Variants in NTF3 observed in about 807,000 individuals in gnomAD.
NTF3 encodes the protein neurotrophin 3.
Under a neutral mutation model 26.3 loss-of-function variants are expected in NTF3, and 8 were observed. The observed-to-expected ratio is 0.30, with a 90% CI of 0.18 to 0.55. NTF3 has a LOEUF of 0.55. NTF3 is among the 20% of genes least tolerant of loss of function. The pLI, the probability that NTF3 is intolerant of heterozygous loss-of-function variation, is 0.93. For missense variants in NTF3, 276 were observed against 352.9 expected (o/e 0.78, Z 1.75); for synonymous variants, 154 against 145.5 (o/e 1.06, Z -0.42).
In NTF3 at chr12:5,491,975, A is replaced by G. The variant is rs535059764; in HGVS notation, c.19-2219A>G. 3.7e-3 allele frequency among the ~76,000 whole-genome samples: 562 copies of G among 151,812 alleles called. 1 individual carries two copies. Among genetic ancestry groups the G allele is most frequent in the African/African-American group, 0.013 (533 of 41,396 alleles). ...GTGATCCACCCACCTCGGCCTCCCA[A>G]AGTGCTGGGATTACAGGCATAAGCC... On this transcript the variant is annotated intron_variant, in intron 1 of 1. Coordinates refer to ENST00000423158, the MANE Select transcript of NTF3 (RefSeq NM_001102654.2).
rs886180853 is a variant in NTF3 at position 5,433,236 on chromosome 12, C to G, written c.18+894C>G. The G allele has an allele frequency of 2.0e-5, 3 of 152,238 alleles. No individual in the cohort carries two copies. Among genetic ancestry groups the G allele is most frequent in the Non-Finnish European group, 4.4e-5 (3 of 68,090 alleles). The allele number at this position is 152,238 out of a possible 1,614,324, so 9.4% of individuals were successfully genotyped here. Reference sequence around the variant, plus strand: ...GCGGCGGGCACCCGGGCCCGGCCATCCCAGGGGATCTCCTTGCGGTATCGT... The same window carrying G: ...GCGGCGGGCACCCGGGCCCGGCCATGCCAGGGGATCTCCTTGCGGTATCGT... On this transcript the variant is annotated intron_variant, in intron 1 of 1. Coordinates refer to ENST00000423158, the MANE Select transcript of NTF3 (RefSeq NM_001102654.2). This position sits in a 1 kb window ranked among gnomAD's most constrained non-coding sequence, Gnocchi z 4.6.
chr12:5,477,911 A>G (rs1940743689), intron 1 of NTF3, among the ~76,000 whole-genome samples: 1 of 152,214 alleles, frequency 6.6e-6, no homozygotes, highest in Admixed American at 6.5e-5. Flanking sequence ...GCTGTAGGAT[A>G]TAATGCACAT....
chr12:5,486,335 G>T (rs1940865674), intron 1 of NTF3, among the ~76,000 whole-genome samples: 1 of 152,208 alleles, frequency 6.6e-6, no homozygotes. Context: ...AGTAAGAATT[G>T]AAGGGAAGGC....
intron 1 of NTF3, among the ~76,000 whole-genome samples, chr12:5,481,103 C>G (rs569680398): frequency 2.0e-5 from 3 of 152,008 alleles, no homozygotes; most frequent in Non-Finnish European, 4.4e-5. Flanking sequence ...ACCCAGAGAG[C>G]GAGAGCCCTG....
At chr12:5,481,344 C>T (rs930375230) in intron 1 of NTF3, among the ~76,000 whole-genome samples, 2 of 151,770 alleles carry the variant, frequency 1.3e-5, no homozygotes, top group South Asian at 2.1e-4. Context: ...TTGCCCAGCA[C>T]ACCACGCACA....
intron 1 of NTF3, among the ~76,000 whole-genome samples, chr12:5,473,504 T>G (rs1289963463): frequency 6.6e-6 from 1 of 152,246 alleles, no homozygotes; most frequent in Non-Finnish European, 1.5e-5. Flanking sequence ...TTGCTTTTAT[T>G]TGCAGGTTCT....
intron 1 of NTF3, among the ~76,000 whole-genome samples, chr12:5,455,842 G>C (rs1212849499): frequency 6.6e-6 from 1 of 152,200 alleles, no homozygotes; most frequent in Non-Finnish European, 1.5e-5. Flanking sequence ...GCCTTTCATG[G>C]ATGGTGAGGG....
intron 1 of NTF3, among the ~76,000 whole-genome samples, chr12:5,470,572 T>G (rs985768901): frequency 6.6e-6 from 1 of 152,196 alleles, no homozygotes; most frequent in Admixed American, 6.5e-5. Flanking sequence ...AAGTCTCCCC[T>G]GCCACCTCTT....
intron 1 of NTF3, among the ~76,000 whole-genome samples, chr12:5,441,625 T>C (rs1174906868): frequency 6.6e-6 from 1 of 152,218 alleles, no homozygotes; most frequent in Non-Finnish European, 1.5e-5. Flanking sequence ...TCTGTTGTTT[T>C]CATTTTTGTG....
intron 1 of NTF3, among the ~76,000 whole-genome samples, chr12:5,449,061 G>A (rs541307728): frequency 2.0e-5 from 3 of 152,208 alleles, no homozygotes; most frequent in Non-Finnish European, 4.4e-5. Context: ...CACTCAAGAT[G>A]GAAATGACTA....
intron 1 of NTF3, among the ~76,000 whole-genome samples, chr12:5,458,214 C>T (rs1012138407): frequency 2.0e-5 from 3 of 152,128 alleles, no homozygotes; most frequent in Non-Finnish European, 4.4e-5. Flanking sequence ...GGTATTTGCT[C>T]ACACTACTGC....
chr12:5,464,350 G>A lies in NTF3; in HGVS notation c.19-29844G>A, dbSNP rs540867414. Among the ~76,000 whole-genome samples, 3 of 152,162 alleles carry A rather than the reference G, an allele frequency of 2.0e-5. No individual in the cohort carries two copies. The South Asian group carries it at 6.2e-4, about 32-fold the overall frequency. On this transcript the variant is annotated intron_variant, in intron 1 of 1. Transcript: ENST00000423158. Reference sequence around the variant, plus strand: ...TCACTGTGGAAGAACTTTTTAGAATGCAGACAGCCCCCAACTTAACAGTGG... The same window carrying A: ...TCACTGTGGAAGAACTTTTTAGAATACAGACAGCCCCCAACTTAACAGTGG...
In NTF3 at chr12:5,481,049, A is replaced by G. The variant is rs138338874; in HGVS notation, c.19-13145A>G. Among the ~76,000 whole-genome samples, 355 of 152,120 alleles carry G rather than the reference A, an allele frequency of 2.3e-3. 1 individual carries two copies. Among genetic ancestry groups the G allele is most frequent in the Middle Eastern group, 0.014 (4 of 294 alleles). ...TCACTGGGGGTGTGGGTGGCGGGGT[A>G]GGGAGGACCCGCAGAGCTGGCTCGC... On this transcript the variant is annotated intron_variant, in intron 1 of 1. Transcript: ENST00000423158.
chr12:5,481,499 C>A (rs1230705974), intron 1 of NTF3, among the ~76,000 whole-genome samples: 2 of 11,632 alleles, frequency 1.7e-4, no homozygotes, highest in African/African-American at 2.6e-4. Flanking sequence ...CACAGATACA[C>A]AGAATACCAC....
intron 1 of NTF3, among the ~76,000 whole-genome samples, chr12:5,458,510 CT>C (rs1311934824): frequency 1.3e-5 from 2 of 152,132 alleles, no homozygotes; most frequent in African/African-American, 4.8e-5. Context: ...CAGTGTCTGG[CT>C]TATAATAAGC....
chr12:5,491,142 G>T (rs1336597242), intron 1 of NTF3, among the ~76,000 whole-genome samples: 1 of 152,168 alleles, frequency 6.6e-6, no homozygotes, highest in Non-Finnish European at 1.5e-5. Flanking sequence ...TCTGACCTTA[G>T]ACAGCTCACT....
chr12:5,440,027 A>G (rs1015624568), intron 1 of NTF3, among the ~76,000 whole-genome samples: 2 of 152,186 alleles, frequency 1.3e-5, no homozygotes, highest in African/African-American at 4.8e-5. Flanking sequence ...TTCTCTGGGC[A>G]GTACCAGAAA....
chr12:5,494,641 A>G lies in NTF3; in HGVS notation c.466A>G (p.Lys156Glu), dbSNP rs1940984883. 1 of 1,614,164 alleles carries G rather than the reference A, an allele frequency of 6.2e-7. No individual in the cohort carries two copies. The highest frequency in any genetic ancestry group is 1.6e-4 in the Middle Eastern group (1 of 6,062). ...ACGGCGGAAACGGTACGCGGAGCAT[A>G]AGAGTCACCGAGGGGAGTACTCGGT... ...TSRRKRYAEHKSHRGEYSVCD... is the reference protein window; with the variant it reads ...TSRRKRYAEHESHRGEYSVCD... The change falls in exon 2 of 2, where the codon AAG becomes GAG. Residue 156 changes from lysine (K) to glutamate (E), a missense_variant. This residue lies in a region of NTF3 where 221 missense variants were observed against 258.2 expected (regional missense o/e 0.86). Coordinates refer to ENST00000423158, the MANE Select transcript of NTF3 (RefSeq NM_001102654.2). The surrounding 1 kb of genome is among the most constrained non-coding windows in gnomAD (Gnocchi z 8.3).
intron 1 of NTF3, among the ~76,000 whole-genome samples, chr12:5,489,743 C>T (rs1591608709): frequency 6.6e-6 from 1 of 152,014 alleles, no homozygotes; most frequent in East Asian, 1.9e-4. Flanking sequence ...GGCTGCAGCC[C>T]AGTCTCTGCA....
Sources: allele counts gnomAD v4.1 joint callset (sites outside exome capture counted in the v4.1 genomes callset), GRCh38; gene constraint gnomAD v4.1.1; regional missense constraint gnomAD v4.1.1; non-coding constraint Gnocchi (gnomAD v3.1); transcripts MANE v1.5; gene names NCBI Gene and HGNC (gene_info 2026-07-23, HGNC 2026-07-21).